CSMD2: variants seen among roughly 807,000 people sequenced by gnomAD.
CSMD2 encodes the protein CUB and sushi domain-containing protein 2.
Under a neutral mutation model 398.5 loss-of-function variants are expected in CSMD2, and 130 were observed. That is an observed-to-expected ratio of 0.33 (90% confidence interval 0.28 to 0.38). CSMD2 has a LOEUF of 0.38. Ranked by LOEUF, CSMD2 falls within the 10% of genes least tolerant of loss-of-function variation. The probability of loss-of-function intolerance (pLI) is 1.00; values close to 1 mark genes in which losing one functional copy is unlikely to be tolerated. For synonymous variants in CSMD2, 1,828 were observed against 1,908.5 expected, an observed-to-expected ratio of 0.96 and a Z score of 1.10; for missense variants, 3,829 against 4,764.9, an observed-to-expected ratio of 0.80 and a Z score of 5.78.
intron 27 of CSMD2, among the ~76,000 whole-genome samples, chr1:33,653,169 A>G (rs1002773694): frequency 6.6e-6 from 1 of 152,120 alleles, no homozygotes; most frequent in African/African-American, 2.4e-5. Flanking sequence ...ATAAAAAGAG[A>G]CAATATCTTC....
In CSMD2 at chr1:33,527,212, C is replaced by T. The variant is rs111577457; in HGVS notation, c.10218G>A (p.Pro3406=). Residue 3406 remains proline (P), a synonymous_variant, in exon 65 of 71, where the codon CCG becomes CCA. Coordinates refer to ENST00000373381, the MANE Select transcript of CSMD2 (RefSeq NM_001281956.2). ...CATACGTACTCAAGGCTTGGGTGAGCGGTGGCTCCCGGGCAGTGTTGATGG... is the reference window on the plus strand; with the variant it reads ...CATACGTACTCAAGGCTTGGGTGAGTGGTGGCTCCCGGGCAGTGTTGATGG... The part of the protein sequence containing the change: ...GRPINTAREP[P]LTQALIPGDV... 7,286 of 1,613,902 alleles carry T rather than the reference C, an allele frequency of 4.5e-3. 189 individuals are homozygous for T. In the African/African-American group the frequency reaches 0.057, roughly 13 times the overall value.
At chr1:33,890,432 A>T (rs1357385585) in intron 5 of CSMD2, among the ~76,000 whole-genome samples, 4 of 152,032 alleles carry the variant, frequency 2.6e-5, no homozygotes, top group African/African-American at 4.8e-5. Context: ...GGGTTTCACC[A>T]TGTTAGCCAG....
At chr1:33,739,434 C>T in intron 14 of CSMD2, 100 bp from the exon 15 acceptor site, 5 of 1,112,610 alleles carry the variant, frequency 4.5e-6, no homozygotes, top group South Asian at 1.6e-5. Context: ...CCTAGAACTC[C>T]ACCACCTCCC....
At chr1:34,062,490 C>T (rs1397362418) in intron 2 of CSMD2, among the ~76,000 whole-genome samples, 1 of 152,114 alleles carries the variant, frequency 6.6e-6, no homozygotes, top group Admixed American at 6.5e-5. Context: ...TGCATTCGAG[C>T]TGGCAGTGAA....
chr1:33,984,015 G>A (rs539207784), intron 3 of CSMD2, among the ~76,000 whole-genome samples: 9 of 152,228 alleles, frequency 5.9e-5, no homozygotes, highest in South Asian at 2.1e-4. Context: ...TTAGCTAGGC[G>A]TGGTGGCGCA....
In CSMD2 at chr1:33,567,664, C is replaced by T. The variant is rs778145859; in HGVS notation, c.8309G>A (p.Arg2770His). 47 of 1,614,004 alleles carry T rather than the reference C, an allele frequency of 2.9e-5. No homozygotes were observed. Among genetic ancestry groups the T allele is most frequent in the South Asian group, 4.4e-5 (4 of 91,084 alleles). Residue 2770 changes from arginine to histidine, a missense_variant, in exon 53 of 71, where the codon CGC becomes CAC. Physicochemically the swap from Arg to His is conservative, Grantham distance 29 (BLOSUM62 0). Coordinates refer to ENST00000373381, the MANE Select transcript of CSMD2 (RefSeq NM_001281956.2). The part of the protein sequence containing the change: ...SVVYQCNAGF[R>H]LIGMSVRICQ... ...GATGCGCACAGACATGCCGATCAGG[C>T]GGAAGCCAGCATTGCATTGGTACAC...
At chr1:33,929,500 T>C (rs143799668) in intron 4 of CSMD2, among the ~76,000 whole-genome samples, 304 of 145,078 alleles carry the variant, frequency 2.1e-3, no homozygotes, top group African/African-American at 7.7e-3. Context: ...TGCAGTGGCA[T>C]GATCTCAGCT....
chr1:33,636,262 G>A lies in CSMD2; in HGVS notation c.4969+98C>T, dbSNP rs1421982707. The A allele has an allele frequency of 4.1e-6, 5 of 1,227,470 alleles. No homozygotes were observed. In the East Asian group the frequency reaches 1.3e-4, roughly 31 times the overall value. 76.0% of individuals were successfully genotyped at this position (1,227,470 alleles called of 1,614,324 possible). A position where few individuals can be genotyped will look rare whatever the true frequency, so the allele number is the denominator to read the frequency against. On this transcript the variant is annotated intron_variant, in intron 30 of 70. Coordinates refer to ENST00000373381, the MANE Select transcript of CSMD2 (RefSeq NM_001281956.2). This position sits in a 1 kb window ranked among gnomAD's most constrained non-coding sequence, Gnocchi z 4.8. ...TGCCAGGCTTGGAGGAGCCGGGCTT[G>A]AGGACCTTGCCCCCCTCCCTTCCCC... is the stretch of plus-strand genomic sequence containing the variant.
intron 5 of CSMD2, among the ~76,000 whole-genome samples, chr1:33,857,762 G>C (rs1158147): frequency 0.61 from 92,651 of 151,968 alleles, 29,623 homozygotes; most frequent in East Asian, 0.85. Context: ...GACTAGTTTG[G>C]GGACAATTCT....
chr1:33,875,931 C>T (rs906005357), intron 5 of CSMD2, among the ~76,000 whole-genome samples: 9 of 152,100 alleles, frequency 5.9e-5, no homozygotes, highest in East Asian at 3.9e-4. Context: ...TGGTTTTGTC[C>T]GGCATTGACA....
intron 5 of CSMD2, chr1:33,864,402 T>C: frequency 6.2e-7 from 1 of 1,614,062 alleles, no homozygotes; most frequent in East Asian, 2.2e-5. Context: ...CAAAGCCCGA[T>C]ACCAGGAAGA....
At chr1:33,819,356 G>A (rs939803895) in intron 9 of CSMD2, among the ~76,000 whole-genome samples, 3 of 152,200 alleles carry the variant, frequency 2.0e-5, no homozygotes, top group African/African-American at 4.8e-5. Context: ...GTAACAGAGG[G>A]ATTCAAGGTG....
intron 21 of CSMD2, among the ~76,000 whole-genome samples, chr1:33,712,264 G>A (rs572556489): frequency 3.3e-5 from 5 of 152,096 alleles, no homozygotes; most frequent in Admixed American, 6.5e-5. Context: ...CTGGGGTCAG[G>A]GCTGTCTCTT....
intron 25 of CSMD2, among the ~76,000 whole-genome samples, chr1:33,678,120 TAAAA>T (rs950828498): frequency 2.1e-5 from 3 of 146,316 alleles, no homozygotes; most frequent in Non-Finnish European, 1.5e-5. Flanking sequence ...ATAATAAAAT[TAAAA>T]AAAAAAGAGC....
At chr1:33,975,098 G>A (rs1242398266) in intron 3 of CSMD2, among the ~76,000 whole-genome samples, 1 of 152,110 alleles carries the variant, frequency 6.6e-6, no homozygotes, top group Non-Finnish European at 1.5e-5. Flanking sequence ...TTTCCTTCAG[G>A]AGGCTGGCCC....
At chr1:34,015,424 C>T (rs1647948003) in intron 3 of CSMD2, among the ~76,000 whole-genome samples, 1 of 152,226 alleles carries the variant, frequency 6.6e-6, no homozygotes, top group South Asian at 2.1e-4. Context: ...CAGCAGTGTC[C>T]TTTCTCTTCC....
intron 4 of CSMD2, among the ~76,000 whole-genome samples, chr1:33,923,714 T>G (rs1448333673): frequency 2.0e-5 from 3 of 152,224 alleles, no homozygotes; most frequent in Admixed American, 2.0e-4. Context: ...AGTCTGCTAT[T>G]GAACATTAGA....
intron 36 of CSMD2, 142 bp from the exon 37 acceptor site, chr1:33,622,413 A>C (rs1231199681): frequency 3.1e-6 from 2 of 645,818 alleles, no homozygotes; most frequent in Admixed American, 4.8e-5. Flanking sequence ...AACTCACTAA[A>C]TGACAAATTA....
intron 3 of CSMD2, among the ~76,000 whole-genome samples, chr1:34,002,539 T>C (rs1039758740): frequency 6.6e-6 from 1 of 152,168 alleles, no homozygotes; most frequent in Non-Finnish European, 1.5e-5. Context: ...AAAATTATTA[T>C]GAGGGGTTGG....
Sources: allele counts gnomAD v4.1 joint callset (sites outside exome capture counted in the v4.1 genomes callset), GRCh38; gene constraint gnomAD v4.1.1; non-coding constraint Gnocchi (gnomAD v3.1); transcripts MANE v1.5; gene names NCBI Gene and HGNC (gene_info 2026-07-23, HGNC 2026-07-21).